Variants in ABHD2 observed in about 807,000 individuals in gnomAD.
ABHD2 encodes the protein monoacylglycerol lipase ABHD2.
A neutral mutation model predicts 48.1 loss-of-function variants in ABHD2; 20 were observed. The ratio of observed to expected loss-of-function variants is 0.42; its 90% CI spans 0.29 to 0.60. The LOEUF (loss-of-function observed/expected upper bound fraction) is 0.60, where lower values mean the gene tolerates loss of function less well. ABHD2 is among the 20% of genes least tolerant of loss of function. The pLI, the probability that ABHD2 is intolerant of heterozygous loss-of-function variation, is 0.24. For synonymous variants in ABHD2, 209 were observed against 214.2 expected, an observed-to-expected ratio of 0.98 and a Z score of 0.21; for missense variants, 405 against 550.9, an observed-to-expected ratio of 0.74 and a Z score of 2.65.
chr15:89,105,096 G>A (rs1479506451), intron 1 of ABHD2, among the ~76,000 whole-genome samples: 2 of 152,234 alleles, frequency 1.3e-5, no homozygotes, highest in Non-Finnish European at 2.9e-5. Flanking sequence ...TGGTTTCTCA[G>A]TGAAAGAGAA....
At chr15:89,065,726 G>C in the ABHD2 span, among the ~76,000 whole-genome samples, 4 of 152,052 alleles carry the variant, frequency 2.6e-5, no homozygotes, top group Non-Finnish European at 1.5e-5. Flanking sequence ...ACAGACTCTA[G>C]CTTTGGTTAT....
chr15:89,181,945 C>T (rs1294458574), intron 6 of ABHD2, among the ~76,000 whole-genome samples: 1 of 152,164 alleles, frequency 6.6e-6, no homozygotes, highest in South Asian at 2.1e-4. Flanking sequence ...TCTTAAAATT[C>T]TTTTAACAGT....
chr15:89,048,111 C>T, the ABHD2 span, among the ~76,000 whole-genome samples: 1 of 151,768 alleles, frequency 6.6e-6, no homozygotes, highest in Non-Finnish European at 1.5e-5. Context: ...GAAAATCTCT[C>T]AGCATTTGCT....
At chr15:89,045,347 C>T in the ABHD2 span, among the ~76,000 whole-genome samples, 4 of 152,142 alleles carry the variant, frequency 2.6e-5, no homozygotes, top group South Asian at 8.3e-4. Context: ...GTGACGCCTC[C>T]AGCTTTGTTC....
chr15:89,163,848 G>A (rs1296996713), intron 5 of ABHD2, among the ~76,000 whole-genome samples: 3 of 152,156 alleles, frequency 2.0e-5, no homozygotes, highest in Admixed American at 1.3e-4. Flanking sequence ...ACTGAGGCCC[G>A]ACAAGGATGA....
chr15:89,192,633 C>G (rs991947444), intron 9 of ABHD2, among the ~76,000 whole-genome samples: 3 of 152,096 alleles, frequency 2.0e-5, no homozygotes, highest in Non-Finnish European at 4.4e-5. Context: ...CCTCAGCTTC[C>G]TGAGTAGCTA....
intron 1 of ABHD2, among the ~76,000 whole-genome samples, chr15:89,108,669 C>T (rs2049825411): frequency 6.6e-6 from 1 of 152,158 alleles, no homozygotes; most frequent in Admixed American, 6.5e-5. Flanking sequence ...TGTTCCAAGG[C>T]TGAAAGCATC....
At chr15:89,050,835 A>T in the ABHD2 span, among the ~76,000 whole-genome samples, 2 of 152,282 alleles carry the variant, frequency 1.3e-5, no homozygotes, top group African/African-American at 2.4e-5. Context: ...AGACTGAGGG[A>T]AAGGAGGCTG....
intron 3 of ABHD2, among the ~76,000 whole-genome samples, chr15:89,118,671 G>GACTAA (rs2050000545): frequency 6.6e-6 from 1 of 152,084 alleles, no homozygotes; most frequent in Non-Finnish European, 1.5e-5. Context: ...CCCAGCATTG[G>GACTAA]TTCCTGAGTA....
rs138630532 is a variant in ABHD2 at position 89,170,135 on chromosome 15, C to T, written c.539-5677C>T. Among the ~76,000 whole-genome samples the T allele has an allele frequency of 8.8e-5, 10 of 114,064 alleles. No individual in the cohort carries two copies. In the East Asian group the frequency reaches 3.1e-3, roughly 35 times the overall value. 74.8% of individuals were successfully genotyped at this position (114,064 alleles called of 152,430 possible). ...TTTTGGAGACGGGGTCTCACTCTGT[C>T]ACTCAGACTGGAGTGTAGTGGCACA... On this transcript the variant is annotated intron_variant, in intron 5 of 10. Transcript: ENST00000352732.
At chr15:89,068,771 T>TTTG in the ABHD2 span, among the ~76,000 whole-genome samples, 5 of 128,192 alleles carry the variant, frequency 3.9e-5, 1 homozygote, top group Admixed American at 2.4e-4. Context: ...TTTTTTTTTT[T>TTTG]TTTTTTTTTT....
At chr15:89,193,438 A>G in intron 10 of ABHD2, 119 bp downstream of exon 10, 1 of 798,958 alleles carries the variant, frequency 1.3e-6, no homozygotes, top group Admixed American at 1.9e-5. Context: ...GACATCTCAT[A>G]GCAGTCAGTG....
rs894654086 is a variant in ABHD2, at chr15:89,155,278, C to G, written c.371-89C>G. On this transcript the variant is annotated intron_variant, in intron 4 of 10. Coordinates refer to ENST00000352732, the MANE Select transcript of ABHD2 (RefSeq NM_152924.5). This position sits in a 1 kb window ranked among gnomAD's most constrained non-coding sequence, Gnocchi z 4.9. ...AAAGATGTATGTTGAATTCCCTCCC[C>G]TTGTTTTCTAGACCAGTGAAGTGTA... 4.9e-6 allele frequency: 7 copies of G among 1,425,208 alleles called. No homozygotes were observed. The African/African-American group carries it at 9.9e-5, about 20-fold the overall frequency. The allele number at this position is 1,425,208 out of a possible 1,614,324, so 88.3% of individuals were successfully genotyped here.
intron 1 of ABHD2, among the ~76,000 whole-genome samples, chr15:89,101,133 T>C (rs2150784906): frequency 6.6e-6 from 1 of 152,338 alleles, no homozygotes; most frequent in East Asian, 1.9e-4. Context: ...TCCTTTCTTC[T>C]GCTACCTCCA....
chr15:89,041,130 G>A, the ABHD2 span: 1 of 152,216 alleles, frequency 6.6e-6, no homozygotes, highest in African/African-American at 2.4e-5. Flanking sequence ...TGTGTAAGGA[G>A]GCCAAGAGGA....
chr15:89,163,922 C>T (rs1204659012), intron 5 of ABHD2, among the ~76,000 whole-genome samples: 1 of 152,208 alleles, frequency 6.6e-6, no homozygotes, highest in East Asian at 1.9e-4. Context: ...CAGGCAGTCT[C>T]GCAGTCTAGT....
In ABHD2 at chr15:89,184,314, A is replaced by G. The variant is rs976802823; in HGVS notation, c.723-1110A>G. 7.2e-5 allele frequency among the ~76,000 whole-genome samples: 11 copies of G among 152,164 alleles called. No individual in the cohort carries two copies. Among genetic ancestry groups the G allele is most frequent in the Admixed American group, 5.2e-4 (8 of 15,274 alleles). ...AAAATTACTTTTATAAACTCCCTGG[A>G]TTGAAAAAATAATAAAAAACAAAAC... On this transcript the variant is annotated intron_variant, in intron 6 of 10. Coordinates refer to ENST00000352732, the MANE Select transcript of ABHD2 (RefSeq NM_152924.5). The surrounding 1 kb of genome is among the most constrained non-coding windows in gnomAD (Gnocchi z 5.1).
intron 1 of ABHD2, among the ~76,000 whole-genome samples, chr15:89,099,390 A>T (rs1359735315): frequency 6.6e-6 from 1 of 152,190 alleles, no homozygotes; most frequent in South Asian, 2.1e-4. Context: ...ACTTGAGGCC[A>T]GTAGTTGGAG....
At chr15:89,101,963 A>G (rs965360641) in intron 1 of ABHD2, among the ~76,000 whole-genome samples, 15 of 152,200 alleles carry the variant, frequency 9.9e-5, no homozygotes, top group Admixed American at 6.5e-4. Context: ...ACAACAGTGC[A>G]CAGCCCTATG....
Sources: allele counts gnomAD v4.1 joint callset (sites outside exome capture counted in the v4.1 genomes callset), GRCh38; gene constraint gnomAD v4.1.1; non-coding constraint Gnocchi (gnomAD v3.1); transcripts MANE v1.5; gene names NCBI Gene and HGNC (gene_info 2026-07-23, HGNC 2026-07-21).